The following METTL2A variants were observed in gnomAD, a reference collection of about 807,000 sequenced individuals.
The protein encoded by METTL2A is tRNA N(3)-cytidine methyltransferase METTL2A.
Under a neutral mutation model 49.4 loss-of-function variants are expected in METTL2A, and 45 were observed. That is an observed-to-expected ratio of 0.91 (90% CI 0.72 to 1.17). METTL2A has a LOEUF of 1.17. Among genes scored for constraint, METTL2A ranks in the 50% most tolerant of loss-of-function variants. METTL2A has a pLI of 0.00. For synonymous variants in METTL2A, 118 were observed against 167.5 expected (o/e 0.70, Z 2.28); for missense variants, 361 against 462.2 (o/e 0.78, Z 2.01).
chr17:62,448,882 G>A lies in METTL2A; in HGVS notation c.*153G>A. On this transcript the variant is annotated 3_prime_UTR_variant, in exon 9 of 9. Coordinates refer to ENST00000311506, the MANE Select transcript of METTL2A (RefSeq NM_181725.4). ...CCATTGAGCCCAGCAGTCCAACCTG[G>A]GCAAAATAGTGAGAGACCCTGTATC... is the stretch of plus-strand genomic sequence containing the variant. 2 of 1,146,358 alleles carry A rather than the reference G, an allele frequency of 1.7e-6. No individual in the cohort carries two copies. Among genetic ancestry groups the A allele is most frequent in the East Asian group, 2.6e-5 (1 of 38,664 alleles). 71.0% of individuals were successfully genotyped at this position (1,146,358 alleles called of 1,614,324 possible). A position where few individuals can be genotyped will look rare whatever the true frequency, so the allele number is the denominator to read the frequency against.
At chr17:62,443,143 T>C (rs1448341879) in intron 6 of METTL2A, among the ~76,000 whole-genome samples, 1 of 151,802 alleles carries the variant, frequency 6.6e-6, no homozygotes, top group Admixed American at 6.6e-5. Flanking sequence ...GAGGCTGAGG[T>C]GGGAGGAGTG....
intron 2 of METTL2A, among the ~76,000 whole-genome samples, chr17:62,424,780 G>A (rs1198168924): frequency 1.3e-5 from 2 of 151,770 alleles, no homozygotes; most frequent in East Asian, 3.9e-4. Flanking sequence ...AGAATTTAGG[G>A]CTTTAGTCAA....
chr17:62,449,069 A>G lies in METTL2A; in HGVS notation c.*340A>G, dbSNP rs2070788674. 4.3e-6 allele frequency: 1 copy of G among 234,760 alleles called. No individual in the cohort carries two copies. The highest frequency in any genetic ancestry group is 5.1e-5 in the Admixed American group (1 of 19,620). The allele number at this position is 234,760 out of a possible 1,614,324, so 14.5% of individuals were successfully genotyped here. On this transcript the variant is annotated 3_prime_UTR_variant, in exon 9 of 9. Coordinates refer to ENST00000311506, the MANE Select transcript of METTL2A (RefSeq NM_181725.4). ...AAGTCCTTTAAAACATAATTTTCTCAAGTTCTTTCTTTGAGATCTCAATCT... is the reference window on the plus strand; with the variant it reads ...AAGTCCTTTAAAACATAATTTTCTCGAGTTCTTTCTTTGAGATCTCAATCT...
chr17:62,428,710 G>A (rs2070644556), intron 4 of METTL2A, among the ~76,000 whole-genome samples: 1 of 152,212 alleles, frequency 6.6e-6, no homozygotes, highest in Non-Finnish European at 1.5e-5. Flanking sequence ...ACGCTCAGGA[G>A]CTTTGACCCT....
At chr17:62,430,943 G>A (rs370497193) in intron 4 of METTL2A, among the ~76,000 whole-genome samples, 7 of 151,746 alleles carry the variant, frequency 4.6e-5, no homozygotes, top group African/African-American at 9.7e-5. Context: ...TTGGCTCACC[G>A]CAACCTCCGC....
At chr17:62,429,798 A>G (rs2144138131) in intron 4 of METTL2A, among the ~76,000 whole-genome samples, 1 of 152,150 alleles carries the variant, frequency 6.6e-6, no homozygotes, top group East Asian at 1.9e-4. Context: ...AGCCTCCCAA[A>G]TACCTGGGAT....
At position 62,451,967 on chromosome 17, in the gene METTL2A, A is replaced by G. The variant is rs1334799179; in HGVS notation, c.*3238A>G. 6.8e-6 allele frequency among the ~76,000 whole-genome samples: 1 copy of G among 146,492 alleles called. No homozygotes were observed. The highest frequency in any genetic ancestry group is 1.5e-5 in the Non-Finnish European group (1 of 66,762). On this transcript the variant is annotated 3_prime_UTR_variant, in exon 9 of 9. Coordinates refer to ENST00000311506, the MANE Select transcript of METTL2A (RefSeq NM_181725.4). ...CCCAGCTATTTGGGAGGGTGGCTCTAGAGAATCATTTGAACCTGGGAGGCG... is the reference window on the plus strand; with the variant it reads ...CCCAGCTATTTGGGAGGGTGGCTCTGGAGAATCATTTGAACCTGGGAGGCG...
chr17:62,430,917 G>T (rs1167731026), intron 4 of METTL2A, among the ~76,000 whole-genome samples: 1 of 152,300 alleles, frequency 6.6e-6, no homozygotes, highest in Non-Finnish European at 1.5e-5. Context: ...CCAGGCTGGA[G>T]TGCAGTGGTG....
chr17:62,443,644 C>T (rs2070750558), intron 6 of METTL2A, among the ~76,000 whole-genome samples: 1 of 152,040 alleles, frequency 6.6e-6, no homozygotes, highest in Admixed American at 6.6e-5. Flanking sequence ...GGCTGGAGTG[C>T]AGTGCTATGG....
intron 7 of METTL2A, among the ~76,000 whole-genome samples, chr17:62,446,726 G>T (rs1243719526): frequency 1.3e-5 from 2 of 152,198 alleles, no homozygotes; most frequent in Non-Finnish European, 2.9e-5. Flanking sequence ...CAAAGTGAAT[G>T]CCTCTGGATA....
intron 4 of METTL2A, among the ~76,000 whole-genome samples, chr17:62,431,499 G>A (rs1233667814): frequency 9.2e-5 from 14 of 152,028 alleles, no homozygotes; most frequent in South Asian, 4.1e-4. Context: ...GACAACAGGC[G>A]TGTGCCACCA....
chr17:62,444,053 A>G (rs559283563), intron 6 of METTL2A, among the ~76,000 whole-genome samples: 13 of 152,318 alleles, frequency 8.5e-5, no homozygotes, highest in South Asian at 8.3e-4. Flanking sequence ...ACTCATTTGC[A>G]TACTGATTGT....
At chr17:62,424,449 G>T in intron 2 of METTL2A, 139 bp downstream of exon 2, 1 of 1,260,182 alleles carries the variant, frequency 7.9e-7, no homozygotes, top group Non-Finnish European at 1.1e-6. Flanking sequence ...AGCGGGACAG[G>T]GAGGGGATGA....
chr17:62,431,883 G>A (rs1410145568), intron 4 of METTL2A, among the ~76,000 whole-genome samples: 1 of 152,100 alleles, frequency 6.6e-6, no homozygotes, highest in Non-Finnish European at 1.5e-5. Flanking sequence ...ACCACACCCA[G>A]CTAATTTTTG....
intron 5 of METTL2A, among the ~76,000 whole-genome samples, chr17:62,438,123 T>A (rs1242778370): frequency 2.0e-5 from 3 of 150,824 alleles, no homozygotes; most frequent in Admixed American, 2.0e-4. Flanking sequence ...ACACAAAAAC[T>A]AGGCCGGGTG....
intron 5 of METTL2A, among the ~76,000 whole-genome samples, chr17:62,437,749 G>A (rs1184784012): frequency 1.4e-4 from 21 of 151,468 alleles, no homozygotes; most frequent in African/African-American, 2.4e-4. Context: ...CAAGGCCAGC[G>A]GATCACGAGG....
intron 4 of METTL2A, among the ~76,000 whole-genome samples, chr17:62,430,378 G>A (rs1384442781): frequency 2.0e-5 from 3 of 152,180 alleles, no homozygotes; most frequent in Non-Finnish European, 2.9e-5. Flanking sequence ...AGATCGCTGT[G>A]TTCAATATCT....
intron 4 of METTL2A, among the ~76,000 whole-genome samples, chr17:62,430,131 A>G (rs910550688): frequency 6.6e-6 from 1 of 152,252 alleles, no homozygotes; most frequent in Non-Finnish European, 1.5e-5. Context: ...CATTACTAAT[A>G]TACACTTAAA....
intron 7 of METTL2A, 95 bp from the exon 8 acceptor site, chr17:62,447,606 A>T (rs1457063858): frequency 3.6e-6 from 5 of 1,382,540 alleles, no homozygotes; most frequent in Non-Finnish European, 5.1e-6. Flanking sequence ...AGTGCTCTCC[A>T]CCCAACAAAC....
Sources: allele counts gnomAD v4.1 joint callset (sites outside exome capture counted in the v4.1 genomes callset), GRCh38; gene constraint gnomAD v4.1.1; transcripts MANE v1.5; gene names NCBI Gene and HGNC (gene_info 2026-07-23, HGNC 2026-07-21).